HSD11B2: variants seen among roughly 807,000 people sequenced by gnomAD.
HSD11B2 encodes the protein hydroxysteroid 11-beta dehydrogenase 2, also known as 11-beta-hydroxysteroid dehydrogenase type 2.
In HSD11B2, 17 loss-of-function variants were observed where a neutral mutation model predicts 20.9. The observed-to-expected ratio is 0.81, with a 90% CI of 0.56 to 1.22. The LOEUF (loss-of-function observed/expected upper bound fraction) is 1.22. Among genes scored for constraint, HSD11B2 ranks in the 50% most tolerant of loss-of-function variants. The pLI is 0.00. For missense variants in HSD11B2, 480 were observed against 563.6 expected, an observed-to-expected ratio of 0.85 and a Z score of 1.50; for synonymous variants, 253 against 255.4, an observed-to-expected ratio of 0.99 and a Z score of 0.09.
rs1287313137 is a variant in HSD11B2, at chr16:67,437,368, A to G, written c.*365A>G. 8.5e-5 allele frequency: 30 copies of G among 351,560 alleles called. No homozygotes were observed. The highest frequency in any genetic ancestry group is 7.4e-4 in the South Asian group (19 of 25,830). 21.8% of individuals were successfully genotyped at this position (351,560 alleles called of 1,614,324 possible). Reference sequence around the variant, plus strand: ...TAAGGAGTGACTAGGTGGGTTGGGGACCCCCTCAGGATTGTTTCTCGGCAC... The same window carrying G: ...TAAGGAGTGACTAGGTGGGTTGGGGGCCCCCTCAGGATTGTTTCTCGGCAC... On this transcript the variant is annotated 3_prime_UTR_variant, in exon 5 of 5. Coordinates refer to ENST00000326152, the MANE Select transcript of HSD11B2 (RefSeq NM_000196.4).
Position 67,431,520 on chromosome 16 carries a change from G to C in HSD11B2, c.265+7G>C. 1 of 1,374,510 alleles carries C rather than the reference G, an allele frequency of 7.3e-7. No homozygotes were observed. The highest frequency in any genetic ancestry group is 9.4e-7 in the Non-Finnish European group (1 of 1,063,502). The allele number at this position is 1,374,510 out of a possible 1,614,324, so 85.1% of individuals were successfully genotyped here. A position where few individuals can be genotyped will look rare whatever the true frequency, so the allele number is the denominator to read the frequency against. On this transcript the variant is annotated splice_region_variant and intron_variant, in intron 1 of 4. Transcript: ENST00000326152. ...CGCGCGGTGCTCATCACCGGTGAGT[G>C]CGCGGGTCGCGGAGCGCGGGGACTC...
Position 67,437,129 on chromosome 16 carries a change from C to A in HSD11B2, c.*126C>A. On this transcript the variant is annotated 3_prime_UTR_variant, in exon 5 of 5. Transcript: ENST00000326152. ...GGACCCTGGCCTAAAGAATCCCACC[C>A]CCACTTCATGCCCACTGCCGATGCC... 1 of 1,036,208 alleles carries A rather than the reference C, an allele frequency of 9.7e-7. No homozygotes were observed. Among genetic ancestry groups the A allele is most frequent in the Non-Finnish European group, 1.4e-6 (1 of 715,206 alleles). 64.2% of individuals were successfully genotyped at this position (1,036,208 alleles called of 1,614,324 possible). A position where few individuals can be genotyped will look rare whatever the true frequency, so the allele number is the denominator to read the frequency against.
At chr16:67,432,037 G>A (rs2040937221) in intron 1 of HSD11B2, among the ~76,000 whole-genome samples, 2 of 152,080 alleles carry the variant, frequency 1.3e-5, no homozygotes. Context: ...CACCGTGAGG[G>A]GCAGCTGGAC....
Position 67,436,686 on chromosome 16 carries a change from G to A in HSD11B2, c.901G>A (p.Glu301Lys), listed in dbSNP as rs974451846. 13 of 1,614,142 alleles carry A rather than the reference G, an allele frequency of 8.1e-6. No homozygotes were observed. The highest frequency in any genetic ancestry group is 1.6e-4 in the Middle Eastern group (1 of 6,062). ...LLQAYGKDYI[E>K]HLHGQFLHSL... is the part of the protein sequence containing the mutation. ...GCAGGCCTACGGCAAGGACTACATCGAGCACTTGCATGGGCAGTTCCTGCA... is the reference window on the plus strand; with the variant it reads ...GCAGGCCTACGGCAAGGACTACATCAAGCACTTGCATGGGCAGTTCCTGCA... The change falls in exon 5 of 5, where the codon GAG becomes AAG. Residue 301 changes from glutamate (E) to lysine (K), a missense_variant. Physicochemically the swap from Glu to Lys is moderately conservative, Grantham distance 56 (BLOSUM62 1). Around this residue, in one of 2 missense-constraint regions of HSD11B2, gnomAD observed 374 missense variants for 480.9 expected, o/e 0.78. Coordinates refer to ENST00000326152, the MANE Select transcript of HSD11B2 (RefSeq NM_000196.4). This position sits in a 1 kb window ranked among gnomAD's most constrained non-coding sequence, Gnocchi z 5.7.
At position 67,431,365 on chromosome 16, in the gene HSD11B2, G is replaced by A; in HGVS notation, c.117G>A (p.Ala39=). The A allele has an allele frequency of 2.4e-6, 3 of 1,245,866 alleles. No homozygotes were observed. The highest frequency in any genetic ancestry group is 2.2e-5 in the South Asian group (1 of 45,034). The allele number at this position is 1,245,866 out of a possible 1,614,324, so 77.2% of individuals were successfully genotyped here. Residue 39 remains alanine, a synonymous_variant, in exon 1 of 5, where the codon GCG becomes GCA. Transcript: ENST00000326152. ...RLGRPLLAAL[A]LLAALDWLCQ... ...GCCGCCCGCTGCTGGCGGCGCTGGC[G>A]CTGCTGGCCGCGCTCGACTGGCTGT...
In HSD11B2 at chr16:67,436,508, A is replaced by G. The variant is rs776595228; in HGVS notation, c.803-80A>G. 4 of 1,573,196 alleles carry G rather than the reference A, an allele frequency of 2.5e-6. No individual in the cohort carries two copies. The highest frequency in any genetic ancestry group is 2.6e-6 in the Non-Finnish European group (3 of 1,154,882). On this transcript the variant is annotated intron_variant, in intron 4 of 4. Transcript: ENST00000326152. The surrounding 1 kb of genome is among the most constrained non-coding windows in gnomAD (Gnocchi z 5.7). ...GTTGGGGGTGTAGTTTTGGCTGCAGACCTGGCGCGGGTTAAACAGTCCTAA... is the reference window on the plus strand; with the variant it reads ...GTTGGGGGTGTAGTTTTGGCTGCAGGCCTGGCGCGGGTTAAACAGTCCTAA...
chr16:67,435,194 C>T (rs575645678), intron 1 of HSD11B2, among the ~76,000 whole-genome samples: 1 of 147,184 alleles, frequency 6.8e-6, no homozygotes, highest in Non-Finnish European at 1.5e-5. Context: ...CAGAGCGAGA[C>T]CCTGTCTCAA....
In HSD11B2 at chr16:67,436,682, C is replaced by T. The variant is rs778393409; in HGVS notation, c.897C>T (p.Tyr299=). ...TGCTGCAGGCCTACGGCAAGGACTA[C>T]ATCGAGCACTTGCATGGGCAGTTCC... ...QELLQAYGKD[Y]IEHLHGQFLH... is the part of the protein sequence containing the mutation. Residue 299 remains tyrosine, a synonymous_variant, in exon 5 of 5, where the codon TAC becomes TAT. Transcript: ENST00000326152. The surrounding 1 kb of genome is among the most constrained non-coding windows in gnomAD (Gnocchi z 5.7). 6.2e-7 allele frequency: 1 copy of T among 1,614,198 alleles called. No homozygotes were observed. Among genetic ancestry groups the T allele is most frequent in the Non-Finnish European group, 8.5e-7 (1 of 1,180,030 alleles).
chr16:67,435,032 C>CA (rs1057333024), intron 1 of HSD11B2, among the ~76,000 whole-genome samples: 1,131 of 70,330 alleles, frequency 0.016, 13 homozygotes, highest in African/African-American at 0.048. Flanking sequence ...CCGTCTCAAA[C>CA]AAAAAAAAAA....
Position 67,436,197 on chromosome 16 carries a change from T to C in HSD11B2, c.665-52T>C. Reference sequence around the variant, plus strand: ...GGAGCCCCCTGGGGTGGGGGAGGGCTTAGGGAGCCCCTTGCCAAAGCTGAG... The same window carrying C: ...GGAGCCCCCTGGGGTGGGGGAGGGCCTAGGGAGCCCCTTGCCAAAGCTGAG... On this transcript the variant is annotated intron_variant, in intron 3 of 4. Transcript: ENST00000326152. The surrounding 1 kb of genome is among the most constrained non-coding windows in gnomAD (Gnocchi z 5.7). The C allele has an allele frequency of 6.2e-7, 1 of 1,613,378 alleles. No individual in the cohort carries two copies. The highest frequency in any genetic ancestry group is 8.5e-7 in the Non-Finnish European group (1 of 1,179,822).
At position 67,436,077 on chromosome 16, in the gene HSD11B2, C is replaced by T; in HGVS notation, c.599C>T (p.Thr200Ile). 2.5e-6 allele frequency: 4 copies of T among 1,614,206 alleles called. No individual in the cohort carries two copies. The highest frequency in any genetic ancestry group is 3.4e-6 in the Non-Finnish European group (4 of 1,180,036). Residue 200 changes from threonine (T) to isoleucine (I), a missense_variant, in exon 3 of 5, where the codon ACC becomes ATC. Physicochemically the swap from Thr to Ile is moderately conservative, Grantham distance 89. Coordinates refer to ENST00000326152, the MANE Select transcript of HSD11B2 (RefSeq NM_000196.4). The surrounding 1 kb of genome is among the most constrained non-coding windows in gnomAD (Gnocchi z 5.7). ...AATTTCTTTGGCGCGCTCGAGCTGA[C>T]CAAGGGCCTCCTGCCCCTGCTGCGC... ...EVNFFGALEL[T>I]KGLLPLLRSS...
intron 1 of HSD11B2, 53 bp downstream of exon 1, chr16:67,431,566 G>T: frequency 7.7e-7 from 1 of 1,296,134 alleles, no homozygotes; most frequent in East Asian, 3.2e-5. Context: ...GGCGGGACTG[G>T]ACACTCAACA....
Position 67,435,806 on chromosome 16 carries a change from G to A in HSD11B2, c.444G>A (p.Val148=). 1 of 1,614,086 alleles carries A rather than the reference G, an allele frequency of 6.2e-7. No individual in the cohort carries two copies. Among genetic ancestry groups the A allele is most frequent in the Non-Finnish European group, 8.5e-7 (1 of 1,180,040 alleles). ...CCAAACCAGGAGACATTAGCCGCGTGCTAGAGTTCACCAAGGCCCACACCA... is the reference window on the plus strand; with the variant it reads ...CCAAACCAGGAGACATTAGCCGCGTACTAGAGTTCACCAAGGCCCACACCA... ...DLTKPGDISR[V]LEFTKAHTTS... The change falls in exon 2 of 5, where the codon GTG becomes GTA. Residue 148 remains valine, a synonymous_variant. Coordinates refer to ENST00000326152, the MANE Select transcript of HSD11B2 (RefSeq NM_000196.4).
intron 1 of HSD11B2, 26 bp from the exon 2 acceptor site, chr16:67,435,601 GT>G (rs1567530200): frequency 1.3e-6 from 2 of 1,594,508 alleles, no homozygotes; most frequent in Non-Finnish European, 1.7e-6. Flanking sequence ...CACAGTGGAA[GT>G]TCACTGACTG....
In HSD11B2 at chr16:67,436,797, T is replaced by G; in HGVS notation, c.1012T>G (p.Tyr338Asp). The change falls in exon 5 of 5, where the codon TAT (tyrosine) becomes GAT (aspartate). Residue 338 changes from tyrosine (Y) to aspartate (D), a missense_variant. Coordinates refer to ENST00000326152, the MANE Select transcript of HSD11B2 (RefSeq NM_000196.4). This position sits in a 1 kb window ranked among gnomAD's most constrained non-coding sequence, Gnocchi z 5.7. ...GCTGGCAGCTCGGCCCCGCCGCCGC[T>G]ATTACCCCGGCCAGGGCCTGGGGCT... ...ALLAARPRRR[Y>D]YPGQGLGLMY... is the part of the protein sequence containing the mutation. 6.2e-7 allele frequency: 1 copy of G among 1,613,836 alleles called. No individual in the cohort carries two copies. The highest frequency in any genetic ancestry group is 8.5e-7 in the Non-Finnish European group (1 of 1,179,998).
At chr16:67,431,107 C>T, upstream of HSD11B2, 1 of 278,024 alleles carries the variant, frequency 3.6e-6, no homozygotes, top group South Asian at 1.5e-4. Context: ...AAGCTCGGCC[C>T]GAGGGCGAGC....
chr16:67,431,157 A>G lies in HSD11B2; in HGVS notation c.-92A>G. Reference sequence around the variant, plus strand: ...TCCCTCTCGCGCCCCAGGCCGGTGTACCCCCGCACTCCGCGCCCCGGCCTA... The same window carrying G: ...TCCCTCTCGCGCCCCAGGCCGGTGTGCCCCCGCACTCCGCGCCCCGGCCTA... On this transcript the variant is annotated 5_prime_UTR_variant, in exon 1 of 5. Coordinates refer to ENST00000326152, the MANE Select transcript of HSD11B2 (RefSeq NM_000196.4). 1 of 635,402 alleles carries G rather than the reference A, an allele frequency of 1.6e-6. No homozygotes were observed. Among genetic ancestry groups the G allele is most frequent in the East Asian group, 1.0e-4 (1 of 9,628 alleles). The allele number at this position is 635,402 out of a possible 1,614,324, so 39.4% of individuals were successfully genotyped here.
chr16:67,431,466 C>A lies in HSD11B2; in HGVS notation c.218C>A (p.Ala73Glu). 6 of 1,391,928 alleles carry A rather than the reference C, an allele frequency of 4.3e-6. No individual in the cohort carries two copies. Among genetic ancestry groups the A allele is most frequent in the Middle Eastern group, 2.6e-4 (1 of 3,834 alleles). The allele number at this position is 1,391,928 out of a possible 1,614,324, so 86.2% of individuals were successfully genotyped here. A position where few individuals can be genotyped will look rare whatever the true frequency, so the allele number is the denominator to read the frequency against. Reference sequence around the variant, plus strand: ...GGCTGGATCGCGTTGTCCCGCCTGGCGCGCCCGCAGCGCCTGCCGGTGGCC... The same window carrying A: ...GGCTGGATCGCGTTGTCCCGCCTGGAGCGCCCGCAGCGCCTGCCGGTGGCC... ...AAGWIALSRL[A>E]RPQRLPVATR... Residue 73 changes from alanine (A) to glutamate (E), a missense_variant, in exon 1 of 5, where the codon GCG (alanine) becomes GAG (glutamate). Physicochemically the swap from Ala to Glu is moderately radical, Grantham distance 107. Transcript: ENST00000326152.
At position 67,436,979 on chromosome 16, in the gene HSD11B2, C is replaced by T; in HGVS notation, c.1194C>T (p.Gly398=). ...CCCAGGACCCAAACCTGAGCCCCGG[C>T]CCTTCCCCAGCAGTGGCTCGGTGAG... The part of the protein sequence containing the change: ...DAAQDPNLSP[G]PSPAVAR The change falls in exon 5 of 5, where the codon GGC becomes GGT. Residue 398 remains glycine, a synonymous_variant. Coordinates refer to ENST00000326152, the MANE Select transcript of HSD11B2 (RefSeq NM_000196.4). This position sits in a 1 kb window ranked among gnomAD's most constrained non-coding sequence, Gnocchi z 5.7. 1 of 1,610,092 alleles carries T rather than the reference C, an allele frequency of 6.2e-7. No individual in the cohort carries two copies. Among genetic ancestry groups the T allele is most frequent in the Non-Finnish European group, 8.5e-7 (1 of 1,179,988 alleles).
Sources: allele counts gnomAD v4.1 joint callset (sites outside exome capture counted in the v4.1 genomes callset), GRCh38; gene constraint gnomAD v4.1.1; regional missense constraint gnomAD v4.1.1; non-coding constraint Gnocchi (gnomAD v3.1); transcripts MANE v1.5; gene names NCBI Gene and HGNC (gene_info 2026-07-23, HGNC 2026-07-21).